Variants in EP300 observed in about 807,000 individuals in gnomAD.
The protein encoded by EP300 is EP300 lysine acetyltransferase.
EP300 carries 31 observed loss-of-function variants against 264.0 expected under a neutral mutation model. The ratio of observed to expected loss-of-function variants is 0.12; its 90% CI spans 0.09 to 0.16. The LOEUF is 0.16. Among genes scored for constraint, EP300 ranks in the 10% least tolerant of loss-of-function variants. The pLI, the probability that EP300 is intolerant of heterozygous loss-of-function variation, is 1.00. For synonymous variants in EP300, 1,340 were observed against 1,045.4 expected, an observed-to-expected ratio of 1.28 and a Z score of -5.44; for missense variants, 2,766 against 3,052.9, an observed-to-expected ratio of 0.91 and a Z score of 2.21.
In EP300 at chr22:41,177,227, G is replaced by GTAT. The variant is rs992668990; in HGVS notation, c.5517_5518insATT (p.Gly1839_Val1840insIle). ...AGGATGGCCAGCATGCAGCGGACTG[G>GTAT]TGTGGTTGGGCAGCAACAGGGCCTC... On this transcript the variant is annotated inframe_insertion, in exon 31 of 31. Transcript: ENST00000263253. The GTAT allele has an allele frequency of 1.2e-6, 2 of 1,613,960 alleles. No individual in the cohort carries two copies. Among genetic ancestry groups the GTAT allele is most frequent in the Non-Finnish European group, 1.7e-6 (2 of 1,180,016 alleles).
Position 41,146,721 on chromosome 22 carries a change from TTC to T in EP300, c.2054-14_2054-13del, listed in dbSNP as rs1569105697. 1 of 1,612,000 alleles carries T rather than the reference TTC, an allele frequency of 6.2e-7. No homozygotes were observed. The highest frequency in any genetic ancestry group is 8.5e-7 in the Non-Finnish European group (1 of 1,178,008). ...GGGAAGATGGTGCAAAGATACTTAT[TTC>T]TCTTTTTTACTCTAGATGGCCCTCT... On this transcript the variant is annotated splice_polypyrimidine_tract_variant and intron_variant, in intron 10 of 30. Transcript: ENST00000263253.
Position 41,170,864 on chromosome 22 carries a change from C to T in EP300, c.4452+293C>T, listed in dbSNP as rs79540. Among the ~76,000 whole-genome samples the T allele has an allele frequency of 1, 150,737 of 151,208 alleles. 75,134 individuals carry two copies. Among genetic ancestry groups the T allele is most frequent in the South Asian group, 1 (4,789 of 4,792 alleles). On this transcript the variant is annotated intron_variant, in intron 27 of 30. Coordinates refer to ENST00000263253, the MANE Select transcript of EP300 (RefSeq NM_001429.4). ...ATTTTTAGTAGAGACGGGGTTTCACCGTGTTAGCCAGGATGGTCTCGATCT... is the reference window on the plus strand; with the variant it reads ...ATTTTTAGTAGAGACGGGGTTTCACTGTGTTAGCCAGGATGGTCTCGATCT...
At chr22:41,102,144 G>C (rs926268078) in intron 1 of EP300, among the ~76,000 whole-genome samples, 1 of 151,496 alleles carries the variant, frequency 6.6e-6, no homozygotes, top group Non-Finnish European at 1.5e-5. Flanking sequence ...TGACAAGATG[G>C]CAGTTATTCT....
At chr22:41,125,258 A>G (rs2058874855) in intron 2 of EP300, among the ~76,000 whole-genome samples, 1 of 151,296 alleles carries the variant, frequency 6.6e-6, no homozygotes, top group African/African-American at 2.4e-5. Flanking sequence ...AGCTGGGACT[A>G]CAGGCGCCCG....
rs761882151 is a variant in EP300, at chr22:41,129,878, T to C, written c.1169-12T>C. On this transcript the variant is annotated splice_polypyrimidine_tract_variant and intron_variant, in intron 4 of 30. Coordinates refer to ENST00000263253, the MANE Select transcript of EP300 (RefSeq NM_001429.4). ...AACCTGCTCTTGAAAAAATATGTTT[T>C]CTTCTCTTTAGTGGCACACTGTGCA... 1.9e-6 allele frequency: 3 copies of C among 1,606,782 alleles called. No individual in the cohort carries two copies. Among genetic ancestry groups the C allele is most frequent in the African/African-American group, 2.7e-5 (2 of 74,772 alleles).
chr22:41,117,015 C>T (rs187245051), intron 1 of EP300, among the ~76,000 whole-genome samples, 172 bp from the exon 2 acceptor site: 47 of 152,218 alleles, frequency 3.1e-4, no homozygotes, highest in Non-Finnish European at 2.8e-4. Flanking sequence ...GCCAAGATCG[C>T]GCACCACTGC....
chr22:41,146,464 G>A (rs1234806727), intron 10 of EP300: 1 of 431,242 alleles, frequency 2.3e-6, no homozygotes, highest in East Asian at 4.9e-5. Context: ...ACTGTGCCTG[G>A]CCTATAATGG....
chr22:41,142,748 TG>T (rs976807973), intron 10 of EP300, among the ~76,000 whole-genome samples: 1 of 152,016 alleles, frequency 6.6e-6, no homozygotes, highest in Non-Finnish European at 1.5e-5. Context: ...TAGCCGGGCA[TG>T]GTGGCGGGCA....
intron 2 of EP300, among the ~76,000 whole-genome samples, chr22:41,123,838 TTTCA>T (rs1231583356): frequency 2.6e-5 from 4 of 152,256 alleles, no homozygotes; most frequent in South Asian, 2.1e-4. Context: ...TTTTTATAAC[TTTCA>T]TTATTAGTAA....
intron 2 of EP300, among the ~76,000 whole-genome samples, chr22:41,124,897 GA>G (rs1446257439): frequency 6.6e-6 from 1 of 152,006 alleles, no homozygotes; most frequent in East Asian, 1.9e-4. Flanking sequence ...TCTTAATCTT[GA>G]AAATGTATTG....
At chr22:41,132,283 ATTCT>A (rs2058924328) in intron 6 of EP300, among the ~76,000 whole-genome samples, 1 of 116,824 alleles carries the variant, frequency 8.6e-6, no homozygotes, top group South Asian at 2.7e-4. Context: ...TCATTCTTTC[ATTCT>A]TTTTTTTTTT....
chr22:41,122,509 ATTCTTTTAT>A (rs1029040742), intron 2 of EP300, among the ~76,000 whole-genome samples: 1 of 152,070 alleles, frequency 6.6e-6, no homozygotes, highest in Non-Finnish European at 1.5e-5. Flanking sequence ...AGGCCACCTC[ATTCTTTTAT>A]GCTTCCATCA....
At chr22:41,152,380 G>A (rs2145741303) in intron 16 of EP300, 30 bp downstream of exon 16, 1 of 1,599,118 alleles carries the variant, frequency 6.3e-7, no homozygotes, top group East Asian at 2.2e-5. Flanking sequence ...CGTTCTGGAG[G>A]TAGCTGAAGA....
At position 41,177,475 on chromosome 22, in the gene EP300, C is replaced by T. The variant is rs1310722628; in HGVS notation, c.5764C>T (p.Pro1922Ser). 1 of 1,614,188 alleles carries T rather than the reference C, an allele frequency of 6.2e-7. No homozygotes were observed. The highest frequency in any genetic ancestry group is 8.5e-7 in the Non-Finnish European group (1 of 1,180,042). ...TGCTCAGCCACCCCTTCCAGGGCCCCCACCTGCAGCAGTGGAAATGGCAAT... is the reference window on the plus strand; with the variant it reads ...TGCTCAGCCACCCCTTCCAGGGCCCTCACCTGCAGCAGTGGAAATGGCAAT... ...QTAQPPLPGP[P>S]PAAVEMAMQI... Residue 1922 changes from proline to serine, a missense_variant, in exon 31 of 31, where the codon CCA (proline) becomes TCA (serine). Pro to Ser is a moderately conservative substitution (Grantham distance 74). Transcript: ENST00000263253.
chr22:41,110,746 A>T (rs1400208668), intron 1 of EP300, among the ~76,000 whole-genome samples: 1 of 151,624 alleles, frequency 6.6e-6, no homozygotes, highest in Non-Finnish European at 1.5e-5. Context: ...GGTCCTTGGG[A>T]TCTGTGTATA....
chr22:41,173,645 A>C lies in EP300; in HGVS notation c.4640A>C (p.Asn1547Thr). The C allele has an allele frequency of 6.2e-7, 1 of 1,614,182 alleles. No individual in the cohort carries two copies. Among genetic ancestry groups the C allele is most frequent in the Non-Finnish European group, 8.5e-7 (1 of 1,180,034 alleles). The change falls in exon 29 of 31, where the codon AAT becomes ACT. Residue 1547 changes from asparagine (N) to threonine (T), a missense_variant. Transcript: ENST00000263253. Reference protein sequence around the residue: ...STDVTKGDSKNAKKKNNKKTS... With the variant: ...STDVTKGDSKTAKKKNNKKTS... ...CAGGTGACCAAGGGAGACAGCAAAA[A>C]TGCTAAAAAGAAGAATAATAAGAAA... is the stretch of plus-strand genomic sequence containing the variant.
chr22:41,127,684 C>T lies in EP300; in HGVS notation c.1104C>T (p.His368=), dbSNP rs78045947. Residue 368 remains histidine (H), a synonymous_variant, in exon 4 of 31, where the codon CAC becomes CAT. Transcript: ENST00000263253. ...NGEVRQCNLP[H]CRTMKNVLNH... is the part of the protein sequence containing the mutation. Reference sequence around the variant, plus strand: ...AAGTGAGGCAGTGCAACCTTCCCCACTGTCGCACAATGAAGAATGTCCTAA... The same window carrying T: ...AAGTGAGGCAGTGCAACCTTCCCCATTGTCGCACAATGAAGAATGTCCTAA... 507 of 1,614,244 alleles carry T rather than the reference C, an allele frequency of 3.1e-4. 2 individuals carry two copies. In the East Asian group the frequency reaches 7.3e-3, roughly 23 times the overall value.
In EP300 at chr22:41,131,565, A is replaced by G; in HGVS notation, c.1460A>G (p.Gln487Arg). 2 of 1,614,124 alleles carry G rather than the reference A, an allele frequency of 1.2e-6. No homozygotes were observed. Among genetic ancestry groups the G allele is most frequent in the South Asian group, 2.2e-5 (2 of 91,076 alleles). ...VNQMPTQPQV[Q>R]AKNQQNQQPG... ...CAGATGCCGACACAACCCCAGGTGC[A>G]AGCAAAGAACCAGCAGAATCAGCAG... Residue 487 changes from glutamine (Q) to arginine (R), a missense_variant, in exon 6 of 31, where the codon CAA becomes CGA. Coordinates refer to ENST00000263253, the MANE Select transcript of EP300 (RefSeq NM_001429.4).
intron 4 of EP300, among the ~76,000 whole-genome samples, chr22:41,129,148 C>G (rs533683890): frequency 1.4e-5 from 2 of 147,028 alleles, no homozygotes; most frequent in Non-Finnish European, 3.0e-5. Context: ...GTAGATGGGA[C>G]TACAGGCGCC....
Sources: allele counts gnomAD v4.1 joint callset (sites outside exome capture counted in the v4.1 genomes callset), GRCh38; gene constraint gnomAD v4.1.1; transcripts MANE v1.5; gene names NCBI Gene and HGNC (gene_info 2026-07-23, HGNC 2026-07-21).